The following NR5A2 variants were observed in gnomAD, a reference collection of about 807,000 sequenced individuals.
NR5A2 encodes the protein CYP7A promoter-binding factor.
In NR5A2, 26 loss-of-function variants were observed where a neutral mutation model predicts 62.7. The ratio of observed to expected loss-of-function variants is 0.41; its 90% CI spans 0.30 to 0.58. The LOEUF is 0.58. Ranked by LOEUF, NR5A2 falls within the 20% of genes least tolerant of loss-of-function variation. NR5A2 has a pLI of 0.22. For synonymous variants in NR5A2, 246 were observed against 241.7 expected (o/e 1.02, Z -0.16); for missense variants, 541 against 669.1 (o/e 0.81, Z 2.11).
chr1:200,088,572 A>G (rs1398468328), intron 5 of NR5A2, among the ~76,000 whole-genome samples: 1 of 152,050 alleles, frequency 6.6e-6, no homozygotes, highest in East Asian at 1.9e-4. Context: ...GCCCCTTGTT[A>G]TTTAAATCTT....
At chr1:200,096,631 C>A (rs780365967) in intron 5 of NR5A2, among the ~76,000 whole-genome samples, 6 of 152,168 alleles carry the variant, frequency 3.9e-5, no homozygotes, top group South Asian at 4.1e-4. Flanking sequence ...AACAGCCAAC[C>A]AACTCAGTCA....
intron 7 of NR5A2, among the ~76,000 whole-genome samples, chr1:200,145,685 G>A (rs1264257131): frequency 6.6e-6 from 1 of 152,070 alleles, no homozygotes; most frequent in Non-Finnish European, 1.5e-5. Flanking sequence ...GGAGTGCAGT[G>A]GCAATGGCCA....
Position 200,039,556 on chromosome 1 carries a change from G to A in NR5A2, c.65-102G>A. The stretch of plus-strand genomic sequence containing the variant: ...GGTCCTGCCCGGCAGCCCCGAGGAG[G>A]CGGAGGCACGCTCCGGCGAGGCGAG... On this transcript the variant is annotated intron_variant, in intron 1 of 7. Transcript: ENST00000367362. This position sits in a 1 kb window ranked among gnomAD's most constrained non-coding sequence, Gnocchi z 5.1. 6.5e-7 allele frequency: 1 copy of A among 1,550,290 alleles called. No individual in the cohort carries two copies. Among genetic ancestry groups the A allele is most frequent in the East Asian group, 2.4e-5 (1 of 42,214 alleles).
chr1:200,139,656 TC>T (rs1335646416), intron 7 of NR5A2, among the ~76,000 whole-genome samples: 1 of 152,352 alleles, frequency 6.6e-6, no homozygotes, highest in East Asian at 1.9e-4. Flanking sequence ...CATCTAATTT[TC>T]AGCCATACAT....
intron 7 of NR5A2, among the ~76,000 whole-genome samples, chr1:200,127,359 G>A (rs1366544587): frequency 1.3e-5 from 2 of 151,900 alleles, no homozygotes; most frequent in South Asian, 2.1e-4. Context: ...TGCAGGTTCT[G>A]TGTACAAATG....
rs535827114 is a variant in NR5A2 at position 200,142,188 on chromosome 1, C to CT, written c.1378+21262dup. ...TAATTGTTTTTTGTTTTAAAGACTT[C>CT]TTTTTTTTTTTTTTTTTTTTTTTTT... On this transcript the variant is annotated intron_variant, in intron 7 of 7. Transcript: ENST00000367362. 6.3e-3 allele frequency among the ~76,000 whole-genome samples: 347 copies of CT among 55,404 alleles called. 21 individuals are homozygous for CT. The highest frequency in any genetic ancestry group is 0.019 in the South Asian group (22 of 1,132). The allele number at this position is 55,404 out of a possible 152,430, so 36.3% of individuals were successfully genotyped here. A position where few individuals can be genotyped will look rare whatever the true frequency, so the allele number is the denominator to read the frequency against.
At chr1:200,028,688 G>A (rs138242576) in intron 1 of NR5A2, among the ~76,000 whole-genome samples, 26 of 152,226 alleles carry the variant, frequency 1.7e-4, no homozygotes, top group African/African-American at 6.3e-4. Flanking sequence ...AGGCCCTTCT[G>A]CCTTTCCCCA....
intron 7 of NR5A2, among the ~76,000 whole-genome samples, chr1:200,133,550 CAT>C (rs1178773232): frequency 4.4e-5 from 2 of 45,728 alleles, no homozygotes; most frequent in African/African-American, 1.2e-4. Context: ...TATATATACA[CAT>C]ATATACACAC....
chr1:200,151,893 G>C (rs1270045470), intron 7 of NR5A2, among the ~76,000 whole-genome samples: 2 of 152,220 alleles, frequency 1.3e-5, no homozygotes, highest in Non-Finnish European at 2.9e-5. Context: ...ACCCAGCCAA[G>C]CAATGAGGAC....
chr1:200,053,882 T>C (rs538016018), intron 5 of NR5A2, among the ~76,000 whole-genome samples: 1 of 152,344 alleles, frequency 6.6e-6, no homozygotes, highest in East Asian at 1.9e-4. Context: ...TCTAGTGCCC[T>C]ACCCTCTGCG....
chr1:200,141,348 G>A lies in NR5A2; in HGVS notation c.1378+20393G>A, dbSNP rs557971565. On this transcript the variant is annotated intron_variant, in intron 7 of 7. Transcript: ENST00000367362. ...TCTGTAATTTTGATATTTCAAGAATGTTATATAAGTATATAGTATGTAACC... is the reference window on the plus strand; with the variant it reads ...TCTGTAATTTTGATATTTCAAGAATATTATATAAGTATATAGTATGTAACC... 4.6e-5 allele frequency among the ~76,000 whole-genome samples: 7 copies of A among 151,526 alleles called. No individual in the cohort carries two copies. The South Asian group carries it at 1.5e-3, about 32-fold the overall frequency.
At chr1:200,058,412 A>AT (rs1330011117) in intron 5 of NR5A2, 1 of 152,088 alleles carries the variant, frequency 6.6e-6, no homozygotes, top group Non-Finnish European at 1.5e-5. Context: ...GACTTGTATT[A>AT]TTTTTTACCG....
chr1:200,069,077 G>T (rs986285587), intron 5 of NR5A2, among the ~76,000 whole-genome samples: 2 of 152,094 alleles, frequency 1.3e-5, no homozygotes, highest in African/African-American at 2.4e-5. Flanking sequence ...TGGTTATTCA[G>T]TCTTAAGCAT....
intron 5 of NR5A2, among the ~76,000 whole-genome samples, chr1:200,099,539 A>G (rs1665267733): frequency 6.6e-6 from 1 of 152,120 alleles, no homozygotes; most frequent in African/African-American, 2.4e-5. Flanking sequence ...TCCTTAATTT[A>G]TGCCATAATC....
chr1:200,137,456 A>C (rs1667274987), intron 7 of NR5A2, among the ~76,000 whole-genome samples: 1 of 151,782 alleles, frequency 6.6e-6, no homozygotes, highest in African/African-American at 2.4e-5. Context: ...GTGAGCCACC[A>C]CACCTGGCCC....
intron 7 of NR5A2, among the ~76,000 whole-genome samples, chr1:200,139,161 G>A (rs1168302029): frequency 6.6e-6 from 1 of 152,038 alleles, no homozygotes; most frequent in Non-Finnish European, 1.5e-5. Context: ...ATATAGAGTT[G>A]GTTTTTATAA....
chr1:200,151,719 T>C (rs958016022), intron 7 of NR5A2, among the ~76,000 whole-genome samples: 1 of 152,266 alleles, frequency 6.6e-6, no homozygotes, highest in African/African-American at 2.4e-5. Flanking sequence ...AGGTATTTAA[T>C]GCGATTCCTA....
At chr1:200,172,648 A>T (rs2102398708) in intron 7 of NR5A2, among the ~76,000 whole-genome samples, 1 of 152,356 alleles carries the variant, frequency 6.6e-6, no homozygotes, top group Middle Eastern at 3.4e-3. Context: ...TAAACACTGA[A>T]ATCGTCCTGA....
In NR5A2 at chr1:200,111,329, T is replaced by G; in HGVS notation, c.1230+8T>G. 6.7e-7 allele frequency: 1 copy of G among 1,495,786 alleles called. No homozygotes were observed. Among genetic ancestry groups the G allele is most frequent in the Non-Finnish European group, 8.9e-7 (1 of 1,127,158 alleles). The allele number at this position is 1,495,786 out of a possible 1,614,324, so 92.7% of individuals were successfully genotyped here. A position where few individuals can be genotyped will look rare whatever the true frequency, so the allele number is the denominator to read the frequency against. ...CTGGTTACTGGGCAACAAGTGAGTG[T>G]AGAGACCAAAAAAAAAAAAAAAGCA... On this transcript the variant is annotated splice_region_variant and intron_variant, in intron 6 of 7. Transcript: ENST00000367362.
Sources: gnomAD v4.1 joint callset for allele counts (sites outside exome capture counted in the v4.1 genomes callset) on GRCh38, gnomAD v4.1.1 for gene constraint, Gnocchi (gnomAD v3.1) non-coding constraint, MANE v1.5 for transcripts, NCBI Gene and HGNC (gene_info 2026-07-23, HGNC 2026-07-21) for gene names.